Variants in PLEKHH2 observed in about 807,000 individuals in gnomAD.
PLEKHH2 encodes the protein pleckstrin homology, MyTH4 and FERM domain containing H2.
PLEKHH2 carries 129 observed loss-of-function variants against 187.9 expected under a neutral mutation model. That is an observed-to-expected ratio of 0.69 (90% CI 0.59 to 0.79). The LOEUF is 0.79. Among genes scored for constraint, PLEKHH2 ranks in the 30% least tolerant of loss-of-function variants. The pLI is 0.00. For missense variants in PLEKHH2, 2,076 were observed against 1,751.2 expected (o/e 1.19, Z -3.31); for synonymous variants, 686 against 605.6 (o/e 1.13, Z -1.95).
chr2:43,761,735 A>T (rs1306588263), intron 27 of PLEKHH2, among the ~76,000 whole-genome samples: 4 of 152,148 alleles, frequency 2.6e-5, no homozygotes, highest in Non-Finnish European at 5.9e-5. Flanking sequence ...TACAATAAAA[A>T]ATTCGGTGGA....
chr2:43,670,228 C>G (rs531246373), intron 2 of PLEKHH2, among the ~76,000 whole-genome samples: 1 of 152,258 alleles, frequency 6.6e-6, no homozygotes, highest in South Asian at 2.1e-4. Flanking sequence ...AGAACATGGA[C>G]TACCATGTTT....
chr2:43,765,351 C>T, intron 29 of PLEKHH2, 62 bp from the exon 30 acceptor site: 4 of 1,524,400 alleles, frequency 2.6e-6, no homozygotes, highest in Non-Finnish European at 3.6e-6. Flanking sequence ...CAACACTTTA[C>T]TCTCTTCTGG....
chr2:43,676,041 GTGTT>G, intron 2 of PLEKHH2: 1 of 1,613,996 alleles, frequency 6.2e-7, no homozygotes, highest in East Asian at 2.2e-5. Context: ...CTTTGTCACA[GTGTT>G]TGGTCCAGGT....
Position 43,767,252 on chromosome 2 carries a change from A to G in PLEKHH2, c.*1654A>G, listed in dbSNP as rs975044672. ...GAATTAATTTGTTGCCCGAGCCTTC[A>G]TATTTTCTTCTTTGCTGCCTTCTCC... On this transcript the variant is annotated 3_prime_UTR_variant, in exon 30 of 30. Coordinates refer to ENST00000282406, the MANE Select transcript of PLEKHH2 (RefSeq NM_172069.4). 4 of 152,416 alleles carry G rather than the reference A, an allele frequency of 2.6e-5. No homozygotes were observed. The highest frequency in any genetic ancestry group is 2.0e-4 in the Admixed American group (3 of 15,296). The allele number at this position is 152,416 out of a possible 1,614,324, so 9.4% of individuals were successfully genotyped here. A position where few individuals can be genotyped will look rare whatever the true frequency, so the allele number is the denominator to read the frequency against.
At chr2:43,654,707 C>G (rs560914735) in intron 2 of PLEKHH2, among the ~76,000 whole-genome samples, 94 of 37,902 alleles carry the variant, frequency 2.5e-3, no homozygotes, top group Non-Finnish European at 4.9e-3. Flanking sequence ...GTAAGACACC[C>G]CCCCCCCCCG....
chr2:43,681,157 A>T (rs1329073058), intron 3 of PLEKHH2: 3 of 717,582 alleles, frequency 4.2e-6, no homozygotes, highest in Non-Finnish European at 7.3e-6. Flanking sequence ...CTCTAATGCC[A>T]CTCAGAACAT....
At chr2:43,638,628 T>C (rs1287502891) in intron 1 of PLEKHH2, among the ~76,000 whole-genome samples, 1 of 152,336 alleles carries the variant, frequency 6.6e-6, no homozygotes, top group South Asian at 2.1e-4. Flanking sequence ...TCCTTTCAAA[T>C]TCAGAATCTA....
intron 25 of PLEKHH2, among the ~76,000 whole-genome samples, chr2:43,756,900 G>C (rs972881833): frequency 6.6e-6 from 1 of 151,946 alleles, no homozygotes; most frequent in Non-Finnish European, 1.5e-5. Context: ...AATGAGCCTG[G>C]GTGACAGAGT....
At chr2:43,638,641 T>C (rs1240132041) in intron 1 of PLEKHH2, among the ~76,000 whole-genome samples, 3 of 152,230 alleles carry the variant, frequency 2.0e-5, no homozygotes, top group Admixed American at 1.3e-4. Context: ...AGAATCTATA[T>C]GTGGTATTTT....
intron 2 of PLEKHH2, among the ~76,000 whole-genome samples, chr2:43,645,992 G>C (rs979421647): frequency 2.6e-5 from 4 of 152,042 alleles, no homozygotes; most frequent in Admixed American, 2.0e-4. Flanking sequence ...ATAACATTCA[G>C]CAAAACATCA....
intron 2 of PLEKHH2, among the ~76,000 whole-genome samples, chr2:43,649,184 T>G (rs981800600): frequency 1.3e-5 from 2 of 152,206 alleles, no homozygotes; most frequent in African/African-American, 4.8e-5. Context: ...GGAATGGTGT[T>G]GGAAATATCC....
At chr2:43,680,656 T>C in intron 3 of PLEKHH2, 2 of 344,746 alleles carry the variant, frequency 5.8e-6, no homozygotes, top group South Asian at 2.8e-5. Flanking sequence ...GTCTGTTTGT[T>C]TAGTGGTTTG....
chr2:43,735,741 T>C (rs1201249618), intron 19 of PLEKHH2, among the ~76,000 whole-genome samples: 2 of 152,194 alleles, frequency 1.3e-5, no homozygotes, highest in African/African-American at 4.8e-5. Flanking sequence ...TGTTAGAAAA[T>C]ATTAAATTAT....
intron 20 of PLEKHH2, among the ~76,000 whole-genome samples, chr2:43,739,135 C>T (rs902866775): frequency 6.6e-6 from 1 of 152,186 alleles, no homozygotes; most frequent in African/African-American, 2.4e-5. Flanking sequence ...AGGTGATCCG[C>T]CCGCTCTGGC....
chr2:43,709,304 G>A (rs1310120667), intron 11 of PLEKHH2, among the ~76,000 whole-genome samples: 1 of 151,990 alleles, frequency 6.6e-6, no homozygotes, highest in African/African-American at 2.4e-5. Context: ...AAAATGTGAG[G>A]TTACTTTAAA....
At chr2:43,719,257 C>T (rs1380409074) in intron 15 of PLEKHH2, among the ~76,000 whole-genome samples, 1 of 152,180 alleles carries the variant, frequency 6.6e-6, no homozygotes, top group Non-Finnish European at 1.5e-5. Flanking sequence ...GAGCTAGATT[C>T]AAATTCTGTC....
At position 43,654,764 on chromosome 2, in the gene PLEKHH2, C is replaced by T. The variant is rs1279207281; in HGVS notation, c.123+9968C>T. ...AAAATAGGCCAGGCGTGGTGGCTCACGCCTGTAATCCCAGCACTTTGGGAG... is the reference window on the plus strand; with the variant it reads ...AAAATAGGCCAGGCGTGGTGGCTCATGCCTGTAATCCCAGCACTTTGGGAG... On this transcript the variant is annotated intron_variant, in intron 2 of 29. Coordinates refer to ENST00000282406, the MANE Select transcript of PLEKHH2 (RefSeq NM_172069.4). Among the ~76,000 whole-genome samples, 13 of 145,792 alleles carry T rather than the reference C, an allele frequency of 8.9e-5. No individual in the cohort carries two copies. The East Asian group carries it at 1.3e-3, about 15-fold the overall frequency.
In PLEKHH2 at chr2:43,710,305, G is replaced by A. The variant is rs1310606168; in HGVS notation, c.2189G>A (p.Gly730Asp). 6.2e-7 allele frequency: 1 copy of A among 1,613,902 alleles called. No homozygotes were observed. The highest frequency in any genetic ancestry group is 8.5e-7 in the Non-Finnish European group (1 of 1,179,830). Residue 730 changes from glycine to aspartate, a missense_variant, in exon 13 of 30, where the codon GGT becomes GAT. Gly to Asp is a moderately conservative substitution (Grantham distance 94). Coordinates refer to ENST00000282406, the MANE Select transcript of PLEKHH2 (RefSeq NM_172069.4). ...CGGCGGTGGTTTGTTCTTAAAGGTGGTGAATTACTTTACTACAAATCTCCG... is the reference window on the plus strand; with the variant it reads ...CGGCGGTGGTTTGTTCTTAAAGGTGATGAATTACTTTACTACAAATCTCCG... Reference protein sequence around the residue: ...WKRRWFVLKGGELLYYKSPSD... With the variant: ...WKRRWFVLKGDELLYYKSPSD...
intron 15 of PLEKHH2, among the ~76,000 whole-genome samples, chr2:43,715,449 G>A (rs1670170106): frequency 1.3e-5 from 2 of 152,244 alleles, no homozygotes; most frequent in South Asian, 4.1e-4. Flanking sequence ...GTTTGTAACA[G>A]GAGCATGGGC....
Sources: gnomAD v4.1 joint callset for allele counts (sites outside exome capture counted in the v4.1 genomes callset) on GRCh38, gnomAD v4.1.1 for gene constraint, MANE v1.5 for transcripts, NCBI Gene and HGNC (gene_info 2026-07-23, HGNC 2026-07-21) for gene names.